The following IGF1R variants were observed in gnomAD, a reference collection of about 807,000 sequenced individuals.
IGF1R encodes insulin-like growth factor 1 receptor.
In IGF1R, 44 loss-of-function variants were observed where a neutral mutation model predicts 144.6. That is an observed-to-expected ratio of 0.30 (90% CI 0.24 to 0.39). The LOEUF is 0.39. Ranked by LOEUF, IGF1R falls within the 10% of genes least tolerant of loss-of-function variation. The pLI is 1.00. For synonymous variants in IGF1R, 795 were observed against 722.8 expected (o/e 1.10, Z -1.60); for missense variants, 1,355 against 1,833.7 (o/e 0.74, Z 4.77).
At chr15:98,786,599 C>T (rs977675621) in intron 2 of IGF1R, among the ~76,000 whole-genome samples, 3 of 152,180 alleles carry the variant, frequency 2.0e-5, no homozygotes, top group African/African-American at 7.2e-5. Flanking sequence ...AACCTGGAAA[C>T]ACAGGGGATT....
Position 98,960,438 on chromosome 15 carries a change from C to G in IGF1R, c.*2996C>G. ...TGTCCCTGGCTGGTTGTCTTTGGAA[C>G]AAACTGCTTCTGTGCAGATGGAATG... On this transcript the variant is annotated 3_prime_UTR_variant, in exon 21 of 21. Transcript: ENST00000650285. The G allele has an allele frequency of 4.3e-6, 1 of 232,778 alleles. No individual in the cohort carries two copies. The highest frequency in any genetic ancestry group is 8.5e-6 in the Non-Finnish European group (1 of 117,864). 14.4% of individuals were successfully genotyped at this position (232,778 alleles called of 1,614,324 possible). A position where few individuals can be genotyped will look rare whatever the true frequency, so the allele number is the denominator to read the frequency against.
At chr15:98,909,224 CTCTT>C (rs1350253971) in intron 6 of IGF1R, among the ~76,000 whole-genome samples, 1 of 145,650 alleles carries the variant, frequency 6.9e-6, no homozygotes, top group East Asian at 2.0e-4. Context: ...TTAGATATTT[CTCTT>C]TCTTTTTTCT....
At position 98,707,437 on chromosome 15, in the gene IGF1R, C is replaced by G. The variant is rs752960768; in HGVS notation, c.95-125C>G. 6.9e-6 allele frequency: 7 copies of G among 1,016,682 alleles called. No homozygotes were observed. The highest frequency in any genetic ancestry group is 1.0e-5 in the Non-Finnish European group (7 of 668,214). 63.0% of individuals were successfully genotyped at this position (1,016,682 alleles called of 1,614,324 possible). On this transcript the variant is annotated intron_variant, in intron 1 of 20. Coordinates refer to ENST00000650285, the MANE Select transcript of IGF1R (RefSeq NM_000875.5). The surrounding 1 kb of genome is among the most constrained non-coding windows in gnomAD (Gnocchi z 6.7). The stretch of plus-strand genomic sequence containing the variant: ...CTGCAACCCACAGCTCTGCAGTGAA[C>G]AATTGAACCTCATTTCTTTAATAAT...
chr15:98,880,291 A>G (rs2013304379), intron 2 of IGF1R, among the ~76,000 whole-genome samples: 1 of 152,112 alleles, frequency 6.6e-6, no homozygotes, highest in Non-Finnish European at 1.5e-5. Context: ...ACCCTTACTA[A>G]TTAGCTCTCA....
At chr15:98,760,793 A>G (rs895676188) in intron 2 of IGF1R, among the ~76,000 whole-genome samples, 2 of 152,304 alleles carry the variant, frequency 1.3e-5, no homozygotes, top group Admixed American at 1.3e-4. Context: ...TCCAATTTGG[A>G]GAGTATTATG....
chr15:98,661,494 A>G (rs2052597391), intron 1 of IGF1R, among the ~76,000 whole-genome samples: 1 of 152,242 alleles, frequency 6.6e-6, no homozygotes, highest in Non-Finnish European at 1.5e-5. Context: ...TGGAATGTTA[A>G]TATTCAAGAG....
At chr15:98,877,502 TTTTTTTTTTTTC>T (rs1275078468) in intron 2 of IGF1R, among the ~76,000 whole-genome samples, 3 of 143,166 alleles carry the variant, frequency 2.1e-5, no homozygotes, top group Non-Finnish European at 3.0e-5. Flanking sequence ...TTTTTTTTTT[TTTTTTTTTTTTC>T]CCCAAAAAAT....
At chr15:98,693,543 T>G (rs2053528786) in intron 1 of IGF1R, among the ~76,000 whole-genome samples, 1 of 152,188 alleles carries the variant, frequency 6.6e-6, no homozygotes, top group African/African-American at 2.4e-5. Context: ...CACAGCGGCT[T>G]GCCTGCCTTT....
chr15:98,869,299 CAAA>C (rs2012642105), intron 2 of IGF1R, among the ~76,000 whole-genome samples: 1 of 149,730 alleles, frequency 6.7e-6, no homozygotes, highest in African/African-American at 2.5e-5. Context: ...TTAAAAAAAA[CAAA>C]CAACAACAAC....
At chr15:98,894,781 A>G (rs1168809399) in intron 3 of IGF1R, among the ~76,000 whole-genome samples, 1 of 152,166 alleles carries the variant, frequency 6.6e-6, no homozygotes, top group East Asian at 1.9e-4. Context: ...GCTCATACCT[A>G]TCTCAGCACC....
At chr15:98,845,385 CCCTCCCTCCTCCTCG>C (rs1359365507) in intron 2 of IGF1R, among the ~76,000 whole-genome samples, 39 of 142,696 alleles carry the variant, frequency 2.7e-4, no homozygotes, top group Middle Eastern at 3.5e-3. Context: ...CCTCCTCCTC[CCCTCCCTCCTCCTCG>C]CCTCCCTCCT....
At chr15:98,684,398 T>TA (rs2053270242) in intron 1 of IGF1R, among the ~76,000 whole-genome samples, 1 of 127,412 alleles carries the variant, frequency 7.8e-6, no homozygotes, top group Non-Finnish European at 1.6e-5. Context: ...TTATGCTTGC[T>TA]AATGGGGGAG....
intron 3 of IGF1R, among the ~76,000 whole-genome samples, chr15:98,895,213 G>A: frequency 7.1e-6 from 1 of 140,370 alleles, no homozygotes; most frequent in African/African-American, 2.9e-5. Flanking sequence ...AGTGATCAGT[G>A]ACACAGCACC....
At chr15:98,668,652 C>G (rs894467370) in intron 1 of IGF1R, among the ~76,000 whole-genome samples, 6 of 152,180 alleles carry the variant, frequency 3.9e-5, no homozygotes, top group African/African-American at 1.4e-4. Context: ...TCTGCAGGAG[C>G]TACATAGAGG....
chr15:98,801,400 A>G (rs45571935), intron 2 of IGF1R, among the ~76,000 whole-genome samples: 1 of 152,234 alleles, frequency 6.6e-6, no homozygotes, highest in African/African-American at 2.4e-5. Context: ...GAGAGCGGGC[A>G]TTGTCTCTGG....
chr15:98,751,371 TAA>T (rs928754110), intron 2 of IGF1R, among the ~76,000 whole-genome samples: 1 of 147,912 alleles, frequency 6.8e-6, no homozygotes, highest in African/African-American at 2.5e-5. Flanking sequence ...AGGTAATTTC[TAA>T]AAAAAAAAGT....
At chr15:98,843,378 GA>G (rs1305390610) in intron 2 of IGF1R, among the ~76,000 whole-genome samples, 2 of 152,140 alleles carry the variant, frequency 1.3e-5, no homozygotes, top group Non-Finnish European at 2.9e-5. Context: ...TACTGTGCGA[GA>G]TACTGAGGAA....
chr15:98,881,088 A>G (rs926189352), intron 2 of IGF1R, among the ~76,000 whole-genome samples: 5 of 152,292 alleles, frequency 3.3e-5, no homozygotes, highest in Non-Finnish European at 7.4e-5. Context: ...CTCAATAAAT[A>G]AAGAAGGCCT....
chr15:98,899,773 T>TG (rs1262946215), intron 5 of IGF1R, 152 bp downstream of exon 5: 9 of 769,034 alleles, frequency 1.2e-5, no homozygotes, highest in Non-Finnish European at 2.0e-5. Flanking sequence ...GAGTAGGTCT[T>TG]GGGTGGAGTC....
Sources: gnomAD v4.1 joint callset for allele counts (sites outside exome capture counted in the v4.1 genomes callset) on GRCh38, gnomAD v4.1.1 for gene constraint, Gnocchi (gnomAD v3.1) non-coding constraint, MANE v1.5 for transcripts, NCBI Gene and HGNC (gene_info 2026-07-23, HGNC 2026-07-21) for gene names.